MYBPC2: variants seen among roughly 807,000 people sequenced by gnomAD.
MYBPC2 encodes myosin-binding protein C, fast-type.
MYBPC2 carries 122 observed loss-of-function variants against 137.0 expected under a neutral mutation model. That is an observed-to-expected ratio of 0.89 (90% CI 0.77 to 1.03). The LOEUF (loss-of-function observed/expected upper bound fraction) is 1.03, where lower values mean the gene tolerates loss of function less well. MYBPC2 is among the 50% of genes least tolerant of loss of function. The probability of loss-of-function intolerance (pLI) is 0.00; values close to 1 mark genes in which losing one functional copy is unlikely to be tolerated. For synonymous variants in MYBPC2, 626 were observed against 612.3 expected (o/e 1.02, Z -0.33); for missense variants, 1,500 against 1,534.4 (o/e 0.98, Z 0.37).
intron 8 of MYBPC2, 70 bp downstream of exon 8, chr19:50,441,146 T>C (rs2039750944): frequency 1.4e-6 from 2 of 1,457,854 alleles, no homozygotes; most frequent in South Asian, 1.4e-5. Flanking sequence ...TGTCTAATGA[T>C]TGGACCCTGG....
intron 9 of MYBPC2, 43 bp downstream of exon 9, chr19:50,442,356 T>A (rs1431238457): frequency 3.1e-6 from 5 of 1,594,530 alleles, no homozygotes; most frequent in Non-Finnish European, 4.3e-6. Flanking sequence ...GAGATCCCCG[T>A]CCAGAGAGAA....
In MYBPC2 at chr19:50,440,620, G is replaced by A. The variant is rs149088613; in HGVS notation, c.573-260G>A. ...GGAGGTTGTAGTGAGCCGAGATCAC[G>A]CCACTGCACTCCAGCCTGGGAGACA... On this transcript the variant is annotated intron_variant, in intron 7 of 27. Coordinates refer to ENST00000357701, the MANE Select transcript of MYBPC2 (RefSeq NM_004533.4). Among the ~76,000 whole-genome samples, 625 of 145,970 alleles carry A rather than the reference G, an allele frequency of 4.3e-3. 4 individuals carry two copies. The highest frequency in any genetic ancestry group is 0.015 in the African/African-American group (610 of 39,512).
At chr19:50,454,233 G>A (rs762124089) in intron 17 of MYBPC2, 32 bp from the exon 18 acceptor site, 5 of 1,613,752 alleles carry the variant, frequency 3.1e-6, no homozygotes, top group Middle Eastern at 1.7e-4. Flanking sequence ...CTGAGGCCTC[G>A]AGGGGCCACC....
chr19:50,437,183 A>G (rs2039711653), intron 5 of MYBPC2, among the ~76,000 whole-genome samples: 1 of 151,952 alleles, frequency 6.6e-6, no homozygotes, highest in Non-Finnish European at 1.5e-5. Flanking sequence ...GTGAGGGCTT[A>G]AATGTGGGGT....
Position 50,466,202 on chromosome 19 carries a change from G to A in MYBPC2, c.3423G>A (p.Gln1141=), listed in dbSNP as rs781601080. ...AECKLEVRVP[Q] is the part of the protein sequence containing the mutation. ...TTTCTCGTTTTCCTGCAGTGCCGCA[G>A]TGAGACCTGTCCCCTACCTGCCAAG... The change falls in exon 28 of 28, where the codon CAG becomes CAA. Residue 1141 remains glutamine (Q), a synonymous_variant. Transcript: ENST00000357701. The surrounding 1 kb of genome is among the most constrained non-coding windows in gnomAD (Gnocchi z 4.9). 4 of 1,613,922 alleles carry A rather than the reference G, an allele frequency of 2.5e-6. No homozygotes were observed. Among genetic ancestry groups the A allele is most frequent in the Non-Finnish European group, 3.4e-6 (4 of 1,179,854 alleles).
Position 50,445,940 on chromosome 19 carries a change from G to C in MYBPC2, c.1194G>C (p.Lys398Asn), listed in dbSNP as rs1568661772. 1 of 1,611,824 alleles carries C rather than the reference G, an allele frequency of 6.2e-7. No homozygotes were observed. Among genetic ancestry groups the C allele is most frequent in the South Asian group, 1.1e-5 (1 of 90,418 alleles). The change falls in exon 12 of 28, where the codon AAG becomes AAC. Residue 398 changes from lysine (K) to asparagine (N), a missense_variant. By Grantham distance (94) the Lys-to-Asn change is moderately conservative. Coordinates refer to ENST00000357701, the MANE Select transcript of MYBPC2 (RefSeq NM_004533.4). Reference sequence around the variant, plus strand: ...CCTTCAAGGCCCGGTACCGCTTCAAGAAGGACGGGAAGCGCCACATCCTCA... The same window carrying C: ...CCTTCAAGGCCCGGTACCGCTTCAACAAGGACGGGAAGCGCCACATCCTCA... The part of the protein sequence containing the change: ...EDSFKARYRF[K>N]KDGKRHILIF...
intron 7 of MYBPC2, among the ~76,000 whole-genome samples, chr19:50,440,558 G>C (rs973164065): frequency 1.3e-5 from 2 of 151,692 alleles, no homozygotes; most frequent in East Asian, 1.9e-4. Flanking sequence ...AGCTACTCGG[G>C]AGGCTGAGGC....
chr19:50,447,393 G>C (rs988781380), intron 12 of MYBPC2, among the ~76,000 whole-genome samples: 2 of 152,068 alleles, frequency 1.3e-5, no homozygotes, highest in African/African-American at 4.8e-5. Flanking sequence ...TCAGTTATGG[G>C]TCAAACAAAT....
Position 50,454,258 on chromosome 19 carries a change from C to T in MYBPC2, c.1910-7C>T, listed in dbSNP as rs140556932. 6.2e-7 allele frequency: 1 copy of T among 1,613,826 alleles called. No individual in the cohort carries two copies. Among genetic ancestry groups the T allele is most frequent in the Non-Finnish European group, 8.5e-7 (1 of 1,179,842 alleles). On this transcript the variant is annotated splice_region_variant and splice_polypyrimidine_tract_variant and intron_variant, in intron 17 of 27. Transcript: ENST00000357701. Reference sequence around the variant, plus strand: ...GAGGGGCCACCTGACTCTCCTGCCCCCTGCAGATGTCCCAGACCCCCCGGA... The same window carrying T: ...GAGGGGCCACCTGACTCTCCTGCCCTCTGCAGATGTCCCAGACCCCCCGGA...
intron 7 of MYBPC2, among the ~76,000 whole-genome samples, chr19:50,439,317 T>C (rs771140375): frequency 6.9e-6 from 1 of 145,244 alleles, no homozygotes; most frequent in Non-Finnish European, 1.5e-5. Flanking sequence ...TCTGCCTCTC[T>C]TCCCACCCAC....
At position 50,435,891 on chromosome 19, in the gene MYBPC2, G is replaced by A; in HGVS notation, c.196+29G>A. ...AGGGGAACCCGGGGGAGGAGGGGCT[G>A]CGGCCCGGACTCCTGGGTCTGAGGG... On this transcript the variant is annotated intron_variant, in intron 3 of 27. Transcript: ENST00000357701. This position sits in a 1 kb window ranked among gnomAD's most constrained non-coding sequence, Gnocchi z 4.8. The A allele has an allele frequency of 6.4e-7, 1 of 1,560,936 alleles. No homozygotes were observed. The highest frequency in any genetic ancestry group is 1.2e-5 in the South Asian group (1 of 85,110).
intron 26 of MYBPC2, among the ~76,000 whole-genome samples, chr19:50,463,007 C>T (rs1026592997): frequency 6.6e-6 from 1 of 152,228 alleles, no homozygotes; most frequent in Non-Finnish European, 1.5e-5. Context: ...AGCACGGCTC[C>T]CCAGGGTCTT....
intron 18 of MYBPC2, 51 bp downstream of exon 18, chr19:50,454,420 GTTTTTTTTTT>G: frequency 2.7e-6 from 2 of 735,496 alleles, no homozygotes; most frequent in Non-Finnish European, 3.7e-6. Context: ...TCTGCCTTCT[GTTTTTTTTTT>G]TTTTTTTTTT....
rs2039777292 is a variant in MYBPC2, at chr19:50,443,745, C to T, written c.1062C>T (p.Asp354=). 1.2e-6 allele frequency: 2 copies of T among 1,613,796 alleles called. No individual in the cohort carries two copies. Among genetic ancestry groups the T allele is most frequent in the African/African-American group, 1.3e-5 (1 of 74,886 alleles). Residue 354 remains aspartate, a synonymous_variant, in exon 11 of 28, where the codon GAC becomes GAT. Transcript: ENST00000357701. The stretch of plus-strand genomic sequence containing the variant: ...TCCTAATTGTCACACCTCTTGAGGA[C>T]CAGCAGGTGTTTGTGGGTGACCGGG... The part of the protein sequence containing the change: ...PPVLIVTPLE[D]QQVFVGDRVE...
Position 50,458,735 on chromosome 19 carries a change from CA to C in MYBPC2, c.2488del (p.Thr830ProfsTer83). Reference sequence around the variant, plus strand: ...AGCCGGCCACCCTGGCCCAGCCGGTCACCATCAGGGAGATTGCGGGTGCGTG... The same window carrying C: ...AGCCGGCCACCCTGGCCCAGCCGGTCCCATCAGGGAGATTGCGGGTGCGTG... ...SEPATLAQPV[T>X]IREIAEPPKI... is the part of the protein sequence containing the mutation. On this transcript the variant is annotated frameshift_variant, in exon 21 of 28. Coordinates refer to ENST00000357701, the MANE Select transcript of MYBPC2 (RefSeq NM_004533.4). LOFTEE classifies it high-confidence loss of function. 6.2e-7 allele frequency: 1 copy of C among 1,608,600 alleles called. No individual in the cohort carries two copies. Among genetic ancestry groups the C allele is most frequent in the Non-Finnish European group, 8.5e-7 (1 of 1,179,826 alleles).
At chr19:50,453,643 C>A (rs951538578) in intron 16 of MYBPC2, among the ~76,000 whole-genome samples, 2 of 151,844 alleles carry the variant, frequency 1.3e-5, no homozygotes, top group African/African-American at 4.8e-5. Context: ...TGGGTTCAAG[C>A]GATTCTTCTG....
chr19:50,447,495 G>T (rs544008094), intron 12 of MYBPC2, among the ~76,000 whole-genome samples: 3 of 152,108 alleles, frequency 2.0e-5, no homozygotes, highest in African/African-American at 7.2e-5. Flanking sequence ...TTGTGAGGCC[G>T]AGGTGGGAGG....
intron 23 of MYBPC2, 112 bp from the exon 24 acceptor site, chr19:50,459,928 G>A: frequency 6.9e-7 from 1 of 1,455,172 alleles, no homozygotes; most frequent in South Asian, 1.2e-5. Flanking sequence ...GAATGGGAAT[G>A]GGGCATAAGA....
intron 26 of MYBPC2, among the ~76,000 whole-genome samples, chr19:50,463,755 A>G (rs1568670982): frequency 1.3e-5 from 2 of 152,170 alleles, no homozygotes. Context: ...CCTGGCCAAC[A>G]TGGTGAAACC....
Sources: gnomAD v4.1 joint callset for allele counts (sites outside exome capture counted in the v4.1 genomes callset) on GRCh38, gnomAD v4.1.1 for gene constraint, Gnocchi (gnomAD v3.1) non-coding constraint, MANE v1.5 for transcripts, NCBI Gene and HGNC (gene_info 2026-07-23, HGNC 2026-07-21) for gene names.